Variants in KIAA1328 observed in about 807,000 individuals in gnomAD.
The protein encoded by KIAA1328 is KIAA1328, also known as protein hinderin.
KIAA1328 carries 52 observed loss-of-function variants against 68.1 expected under a neutral mutation model. The observed-to-expected ratio is 0.76, with a 90% CI of 0.61 to 0.96. KIAA1328 has a LOEUF of 0.96. Among genes scored for constraint, KIAA1328 ranks in the 40% least tolerant of loss-of-function variants. KIAA1328 has a pLI of 0.00. For synonymous variants in KIAA1328, 232 were observed against 239.4 expected (o/e 0.97, Z 0.28); for missense variants, 641 against 677.6 (o/e 0.95, Z 0.60).
intron 6 of KIAA1328, among the ~76,000 whole-genome samples, chr18:36,981,615 C>T (rs143222898): frequency 6.6e-6 from 1 of 152,176 alleles, no homozygotes; most frequent in East Asian, 1.9e-4. Context: ...GAGATGGGAT[C>T]TTGCTCAGTC....
chr18:37,130,583 A>G, intron 7 of KIAA1328, among the ~76,000 whole-genome samples: 1 of 151,998 alleles, frequency 6.6e-6, no homozygotes, highest in East Asian at 1.9e-4. Flanking sequence ...GCTCCACTGC[A>G]CTCCAGCCTG....
intron 7 of KIAA1328, among the ~76,000 whole-genome samples, chr18:37,143,521 C>CTTTTTTT (rs57046567): frequency 7.7e-5 from 7 of 90,768 alleles, no homozygotes; most frequent in African/African-American, 1.9e-4. Context: ...TTTTTTCTTT[C>CTTTTTTT]TTTTTTTTTT....
chr18:37,048,344 C>T (rs2151651947), intron 6 of KIAA1328, among the ~76,000 whole-genome samples: 1 of 152,234 alleles, frequency 6.6e-6, no homozygotes, highest in Non-Finnish European at 1.5e-5. Context: ...GAATGTAATG[C>T]TGTATGTCTC....
At chr18:37,158,747 T>C (rs1366341334) in intron 7 of KIAA1328, among the ~76,000 whole-genome samples, 1 of 152,106 alleles carries the variant, frequency 6.6e-6, no homozygotes, top group African/African-American at 2.4e-5. Context: ...GAAAAGCTTC[T>C]GTGAAAATGC....
intron 6 of KIAA1328, among the ~76,000 whole-genome samples, chr18:37,007,986 T>A (rs1404350453): frequency 6.6e-6 from 1 of 152,222 alleles, no homozygotes; most frequent in Non-Finnish European, 1.5e-5. Context: ...AAGGCAACAG[T>A]GTGGCACTGG....
At chr18:37,212,415 G>C (rs1425145022) in intron 9 of KIAA1328, among the ~76,000 whole-genome samples, 1 of 152,162 alleles carries the variant, frequency 6.6e-6, no homozygotes, top group Non-Finnish European at 1.5e-5. Context: ...CCTAGGACTT[G>C]AGGGCAGGGC....
chr18:37,066,747 T>A, intron 6 of KIAA1328, 143 bp from the exon 7 acceptor site: 2 of 723,860 alleles, frequency 2.8e-6, no homozygotes, highest in Non-Finnish European at 4.4e-6. Context: ...TCTGTTTAGC[T>A]GTGTGAATGC....
intron 7 of KIAA1328, among the ~76,000 whole-genome samples, chr18:37,126,213 C>T (rs983234802): frequency 6.6e-6 from 1 of 152,134 alleles, no homozygotes; most frequent in African/African-American, 2.4e-5. Context: ...TGGATCCCAT[C>T]CCAAAATATC....
rs1189035597 is a variant in KIAA1328, at chr18:37,076,581, C to G, written c.1232+9036C>G. Among the ~76,000 whole-genome samples, 9 of 151,514 alleles carry G rather than the reference C, an allele frequency of 5.9e-5. No homozygotes were observed. The South Asian group carries it at 1.9e-3, about 32-fold the overall frequency. On this transcript the variant is annotated intron_variant, in intron 7 of 9. Transcript: ENST00000280020. Reference sequence around the variant, plus strand: ...GAAAGGATCAACAAAATTGATAGACCGCTAGCAAGACTAATAAAGAAGAAA... The same window carrying G: ...GAAAGGATCAACAAAATTGATAGACGGCTAGCAAGACTAATAAAGAAGAAA...
At chr18:37,230,676 A>C (rs2154228380), downstream of KIAA1328, 1 of 152,224 alleles carries the variant, frequency 6.6e-6, no homozygotes, top group East Asian at 1.9e-4. Context: ...TGTGGCCCCA[A>C]AGTCCAGTAC....
chr18:37,062,734 C>G (rs1046919972), intron 6 of KIAA1328, among the ~76,000 whole-genome samples: 1 of 152,132 alleles, frequency 6.6e-6, no homozygotes, highest in Non-Finnish European at 1.5e-5. Flanking sequence ...GGATTACAGG[C>G]GTGAGCCACC....
At chr18:37,012,236 T>C (rs895480460) in intron 6 of KIAA1328, among the ~76,000 whole-genome samples, 1 of 152,130 alleles carries the variant, frequency 6.6e-6, no homozygotes. Context: ...TTTGCCACTT[T>C]CACAACTGTT....
chr18:36,923,796 A>G (rs978000188), intron 5 of KIAA1328: 7 of 152,334 alleles, frequency 4.6e-5, no homozygotes, highest in Middle Eastern at 3.4e-3. Flanking sequence ...CCACATTTTA[A>G]GTTATCATTT....
At chr18:36,883,738 C>T (rs1233170467) in intron 4 of KIAA1328, among the ~76,000 whole-genome samples, 2 of 152,082 alleles carry the variant, frequency 1.3e-5, no homozygotes, top group Non-Finnish European at 2.9e-5. Context: ...TTGTTTTATG[C>T]ATCATCCTAC....
intron 6 of KIAA1328, among the ~76,000 whole-genome samples, chr18:36,992,530 A>G (rs144372622): frequency 6.3e-5 from 9 of 142,724 alleles, no homozygotes; most frequent in African/African-American, 2.6e-4. Flanking sequence ...TGCGTATCTT[A>G]AATGTTGCAT....
chr18:36,854,859 T>G (rs555907993), intron 4 of KIAA1328, among the ~76,000 whole-genome samples: 45 of 152,310 alleles, frequency 3.0e-4, no homozygotes, highest in African/African-American at 9.9e-4. Context: ...TACCCCAGTT[T>G]ACCGTTTCTG....
Position 36,916,894 on chromosome 18 carries a change from A to G in KIAA1328, c.448+31222A>G, listed in dbSNP as rs553478779. Among the ~76,000 whole-genome samples, 3 of 151,270 alleles carry G rather than the reference A, an allele frequency of 2.0e-5. No homozygotes were observed. The East Asian group carries it at 5.8e-4, about 29-fold the overall frequency. Reference sequence around the variant, plus strand: ...CTCTCAAGTAGCTGAGACTATAGGCATCTGCCACTGTACCCAGCTCACTTC... The same window carrying G: ...CTCTCAAGTAGCTGAGACTATAGGCGTCTGCCACTGTACCCAGCTCACTTC... On this transcript the variant is annotated intron_variant, in intron 5 of 9. Transcript: ENST00000280020.
At chr18:37,156,056 G>A (rs1433014439) in intron 7 of KIAA1328, among the ~76,000 whole-genome samples, 1 of 151,870 alleles carries the variant, frequency 6.6e-6, no homozygotes, top group African/African-American at 2.4e-5. Flanking sequence ...TTGGCATATG[G>A]TATTAAAAAT....
intron 9 of KIAA1328, among the ~76,000 whole-genome samples, chr18:37,214,179 T>G (rs1189823779): frequency 4.6e-5 from 7 of 152,240 alleles, no homozygotes; most frequent in African/African-American, 1.7e-4. Flanking sequence ...CTATTTTGGC[T>G]TTTGTTGCCA....
Sources: allele counts gnomAD v4.1 joint callset (sites outside exome capture counted in the v4.1 genomes callset), GRCh38; gene constraint gnomAD v4.1.1; transcripts MANE v1.5; gene names NCBI Gene and HGNC (gene_info 2026-07-23, HGNC 2026-07-21).